The following SGCD variants were observed in gnomAD, a reference collection of about 807,000 sequenced individuals.
SGCD encodes delta-sarcoglycan.
Under a neutral mutation model 36.6 loss-of-function variants are expected in SGCD, and 18 were observed. The observed-to-expected ratio is 0.49, with a 90% CI of 0.34 to 0.73. SGCD has a LOEUF of 0.73. SGCD is among the 30% of genes least tolerant of loss of function. The pLI, the probability that SGCD is intolerant of heterozygous loss-of-function variation, is 0.01. For synonymous variants in SGCD, 133 were observed against 130.6 expected, an observed-to-expected ratio of 1.02 and a Z score of -0.12; for missense variants, 387 against 346.7, an observed-to-expected ratio of 1.12 and a Z score of -0.92.
In SGCD at chr5:156,646,828, G is replaced by T. The variant is rs1361107183; in HGVS notation, c.503-636G>T. Among the ~76,000 whole-genome samples, 3 of 152,280 alleles carry T rather than the reference G, an allele frequency of 2.0e-5. No individual in the cohort carries two copies. The East Asian group carries it at 5.8e-4, about 29-fold the overall frequency. On this transcript the variant is annotated intron_variant, in intron 6 of 8. Coordinates refer to ENST00000337851, the MANE Select transcript of SGCD (RefSeq NM_000337.6). ...AAATTTCGACTGGTGTTGACAAGTTGTAAAGATAAAAGCTTATAGCACAGT... is the reference window on the plus strand; with the variant it reads ...AAATTTCGACTGGTGTTGACAAGTTTTAAAGATAAAAGCTTATAGCACAGT...
chr5:156,456,620 A>G (rs975037249), intron 3 of SGCD, among the ~76,000 whole-genome samples: 3 of 152,180 alleles, frequency 2.0e-5, no homozygotes, highest in Admixed American at 2.0e-4. Flanking sequence ...TTGAGGAATG[A>G]ATTGTTAAGC....
Position 156,281,264 on chromosome 5 carries a change from C to T in SGCD, c.-43-48270C>T, listed in dbSNP as rs75014079. Reference sequence around the variant, plus strand: ...TGGTTCCTGATTTGTGTCCCCTTCTCTCATCATCCCCCCCCAAAAAAGAAC... The same window carrying T: ...TGGTTCCTGATTTGTGTCCCCTTCTTTCATCATCCCCCCCCAAAAAAGAAC... On this transcript the variant is annotated intron_variant, in intron 3 of 9. Coordinates refer to the SGCD transcript ENST00000517913. Among the ~76,000 whole-genome samples, 1,067 of 152,218 alleles carry T rather than the reference C, an allele frequency of 7.0e-3. 12 individuals carry two copies. The highest frequency in any genetic ancestry group is 0.025 in the African/African-American group (1,019 of 41,522).
the SGCD span, among the ~76,000 whole-genome samples, chr5:155,853,337 A>G: frequency 6.6e-6 from 1 of 152,196 alleles, no homozygotes; most frequent in East Asian, 1.9e-4. Flanking sequence ...CAATTTCAGT[A>G]GAAAAAATGG....
the SGCD span, among the ~76,000 whole-genome samples, chr5:155,811,532 G>A: frequency 6.6e-6 from 1 of 152,126 alleles, no homozygotes; most frequent in Non-Finnish European, 1.5e-5. Flanking sequence ...TCATTAAGCT[G>A]GGGACAAGCA....
At chr5:156,482,319 T>C (rs1460908107) in intron 3 of SGCD, among the ~76,000 whole-genome samples, 2 of 152,082 alleles carry the variant, frequency 1.3e-5, no homozygotes, top group Non-Finnish European at 2.9e-5. Flanking sequence ...CACTGTCCGA[T>C]ATGGTAGCCA....
Position 155,975,609 on chromosome 5 carries a change from C to CTTTTTTTTTTTTTTTTTTTTTTTTT in SGCD, c.-282+105198_-282+105222dup, listed in dbSNP as rs763067309. 2.5e-4 allele frequency among the ~76,000 whole-genome samples: 7 copies of CTTTTTTTTTTTTTTTTTTTTTTTTT among 28,008 alleles called. 3 individuals are homozygous for CTTTTTTTTTTTTTTTTTTTTTTTTT. Among genetic ancestry groups the CTTTTTTTTTTTTTTTTTTTTTTTTT allele is most frequent in the Admixed American group, 1.2e-3 (2 of 1,676 alleles). The allele number at this position is 28,008 out of a possible 152,430, so 18.4% of individuals were successfully genotyped here. ...TGTGTTATTTATTTTTCTTTCTTTC[C>CTTTTTTTTTTTTTTTTTTTTTTTTT]TTTTTTTTTTTTTTTTTTTTTTTTT... On this transcript the variant is annotated intron_variant, in intron 1 of 9. Coordinates refer to the SGCD transcript ENST00000517913.
intron 7 of SGCD, among the ~76,000 whole-genome samples, chr5:156,753,760 C>T (rs1757238417): frequency 6.6e-6 from 1 of 152,104 alleles, no homozygotes; most frequent in Non-Finnish European, 1.5e-5. Flanking sequence ...TGAGAACTCA[C>T]CATCATGAGA....
intron 7 of SGCD, among the ~76,000 whole-genome samples, chr5:156,677,352 C>A (rs543040964): frequency 1.2e-4 from 18 of 152,296 alleles, no homozygotes; most frequent in African/African-American, 4.1e-4. Flanking sequence ...AGAATGGGTT[C>A]ATGTCCTTTG....
chr5:155,830,486 G>C, the SGCD span, among the ~76,000 whole-genome samples: 1 of 152,162 alleles, frequency 6.6e-6, no homozygotes, highest in Admixed American at 6.5e-5. Flanking sequence ...ACGAATTTTA[G>C]GGGGAGAGTG....
intron 6 of SGCD, among the ~76,000 whole-genome samples, chr5:156,607,459 T>C (rs1222312964): frequency 6.6e-6 from 1 of 152,230 alleles, no homozygotes; most frequent in African/African-American, 2.4e-5. Context: ...AGTATTTTAT[T>C]GAGGATTTTT....
chr5:156,330,524 ACT>A (rs374791195), intron 2 of SGCD, among the ~76,000 whole-genome samples: 175 of 152,040 alleles, frequency 1.2e-3, no homozygotes, highest in Admixed American at 3.5e-3. Flanking sequence ...TTTAAGAATA[ACT>A]CTTAGTCTGT....
chr5:156,048,055 G>A (rs1759818443), intron 1 of SGCD, among the ~76,000 whole-genome samples: 1 of 152,022 alleles, frequency 6.6e-6, no homozygotes, highest in Admixed American at 6.5e-5. Flanking sequence ...TCCTACCTAT[G>A]AGTGAGAACA....
At chr5:155,734,096 T>C in the SGCD span, among the ~76,000 whole-genome samples, 6 of 147,344 alleles carry the variant, frequency 4.1e-5, no homozygotes, top group East Asian at 9.8e-4. Context: ...AATATAATAA[T>C]ATTATTAATT....
intron 1 of SGCD, among the ~76,000 whole-genome samples, chr5:155,964,037 G>T (rs76869732): frequency 0.023 from 3,514 of 152,072 alleles, 134 homozygotes; most frequent in African/African-American, 0.075. Flanking sequence ...TACTTTCTCT[G>T]AGTTACCTAT....
chr5:156,442,449 T>C (rs1753537381), intron 3 of SGCD, among the ~76,000 whole-genome samples: 1 of 152,232 alleles, frequency 6.6e-6, no homozygotes, highest in South Asian at 2.1e-4. Context: ...TAAAAAATTC[T>C]GTTGGTGGTT....
At chr5:155,998,641 C>T (rs560781111) in intron 1 of SGCD, among the ~76,000 whole-genome samples, 1 of 152,212 alleles carries the variant, frequency 6.6e-6, no homozygotes, top group East Asian at 1.9e-4. Context: ...TAGGGCTGGC[C>T]ATTCGGATGA....
At chr5:155,794,790 TATG>T in the SGCD span, among the ~76,000 whole-genome samples, 1 of 152,078 alleles carries the variant, frequency 6.6e-6, no homozygotes, top group Non-Finnish European at 1.5e-5. Context: ...ATGATTCAAA[TATG>T]ATAAAAAATA....
intron 7 of SGCD, among the ~76,000 whole-genome samples, chr5:156,736,021 C>T (rs1037467373): frequency 1.3e-5 from 2 of 152,082 alleles, no homozygotes; most frequent in Non-Finnish European, 2.9e-5. Context: ...CACAATCACT[C>T]GCTGCTTACC....
intron 6 of SGCD, among the ~76,000 whole-genome samples, chr5:156,620,110 T>C (rs1026659368): frequency 3.3e-4 from 50 of 152,188 alleles, no homozygotes; most frequent in African/African-American, 9.2e-4. Flanking sequence ...ACTGCCTGGG[T>C]TGAACTCCTG....
Sources: gnomAD v4.1 joint callset for allele counts (sites outside exome capture counted in the v4.1 genomes callset) on GRCh38, gnomAD v4.1.1 for gene constraint, MANE v1.5 for transcripts, NCBI Gene and HGNC (gene_info 2026-07-23, HGNC 2026-07-21) for gene names.